RABGAP1: variants seen among roughly 807,000 people sequenced by gnomAD.
RABGAP1 encodes RAB GTPase activating protein 1.
In RABGAP1, 23 loss-of-function variants were observed where a neutral mutation model predicts 137.6. The ratio of observed to expected loss-of-function variants is 0.17; its 90% CI spans 0.12 to 0.24. The LOEUF (loss-of-function observed/expected upper bound fraction) is 0.24. RABGAP1 is among the 10% of genes least tolerant of loss of function. The pLI is 1.00. For missense variants in RABGAP1, 906 were observed against 1,275.8 expected (o/e 0.71, Z 4.42); for synonymous variants, 451 against 450.7 (o/e 1.00, Z -0.01).
chr9:123,068,817 T>C (rs551143288), intron 14 of RABGAP1, among the ~76,000 whole-genome samples: 25 of 152,246 alleles, frequency 1.6e-4, no homozygotes, highest in Non-Finnish European at 3.4e-4. Flanking sequence ...TAAAACTTGG[T>C]TGCATATTAA....
At chr9:123,021,293 TA>T (rs1258571217) in intron 13 of RABGAP1, among the ~76,000 whole-genome samples, 15,705 of 127,290 alleles carry the variant, frequency 0.12, 1,549 homozygotes, top group African/African-American at 0.27. Flanking sequence ...AGCTGTTATT[TA>T]AAAAAAAAAA....
intron 10 of RABGAP1, among the ~76,000 whole-genome samples, chr9:123,009,418 A>G (rs1324718985): frequency 6.6e-6 from 1 of 152,200 alleles, no homozygotes; most frequent in Non-Finnish European, 1.5e-5. Flanking sequence ...GCTCATGAAC[A>G]TCTTATTCCC....
Position 122,957,010 on chromosome 9 carries a change from G to T in RABGAP1, c.-49-1G>T. The T allele has an allele frequency of 7.3e-7, 1 of 1,373,030 alleles. No individual in the cohort carries two copies. The highest frequency in any genetic ancestry group is 9.6e-7 in the Non-Finnish European group (1 of 1,038,222). The allele number at this position is 1,373,030 out of a possible 1,614,324, so 85.1% of individuals were successfully genotyped here. On this transcript the variant is annotated splice_acceptor_variant, in intron 1 of 25. Coordinates refer to ENST00000373647, the MANE Select transcript of RABGAP1 (RefSeq NM_012197.4). LOFTEE classifies it low-confidence loss of function (5UTR_SPLICE). ...GTATCTTTATGGTTTTTGTTTTTCA[G>T]GCATTAAAAAATATTTAATCATTCA...
In RABGAP1 at chr9:123,056,735, G is replaced by A. The variant is rs548362034; in HGVS notation, c.1795-8613G>A. On this transcript the variant is annotated intron_variant, in intron 13 of 25. Transcript: ENST00000373647. ...TGTTTAACAAAGCACATCTTGCACC[G>A]CCCTTAATCCATTTAACCCTGAGTG... Among the ~76,000 whole-genome samples the A allele has an allele frequency of 3.8e-3, 575 of 152,074 alleles. 5 individuals are homozygous for A. Among genetic ancestry groups the A allele is most frequent in the African/African-American group, 0.013 (549 of 41,454 alleles).
chr9:122,953,036 C>T (rs967605649), intron 1 of RABGAP1, among the ~76,000 whole-genome samples: 2 of 152,098 alleles, frequency 1.3e-5, no homozygotes, highest in Non-Finnish European at 2.9e-5. Context: ...TAGATATTAA[C>T]AACTTAGAAT....
At position 123,010,504 on chromosome 9, in the gene RABGAP1, C is replaced by A. The variant is rs747946198; in HGVS notation, c.1525C>A (p.Pro509Thr). ...ATCGCAAAGTTCAGTGATACCTTCT[C>A]CTCCAGAAGATGATGAAGAGGAAGG... ...SGSQSSVIPS[P>T]PEDDEEEDND... The change falls in exon 11 of 26, where the codon CCT becomes ACT. Residue 509 changes from proline to threonine, a missense_variant. By Grantham distance (38) the Pro-to-Thr change is conservative. This residue lies in a region of RABGAP1 where 212 missense variants were observed against 289.4 expected (regional missense o/e 0.73). Coordinates refer to ENST00000373647, the MANE Select transcript of RABGAP1 (RefSeq NM_012197.4). 3 of 1,612,678 alleles carry A rather than the reference C, an allele frequency of 1.9e-6. No individual in the cohort carries two copies. The African/African-American group carries it at 4.0e-5, about 22-fold the overall frequency.
chr9:122,970,506 T>TA (rs770546249), intron 2 of RABGAP1, among the ~76,000 whole-genome samples: 1 of 152,338 alleles, frequency 6.6e-6, no homozygotes, highest in East Asian at 1.9e-4. Flanking sequence ...ACAGGTTTGT[T>TA]ACAAATGTAT....
At chr9:122,943,061 T>A (rs6478583) in intron 1 of RABGAP1, among the ~76,000 whole-genome samples, 14,955 of 145,192 alleles carry the variant, frequency 0.1, 2,610 homozygotes, top group African/African-American at 0.36. Context: ...AGTCATGTTG[T>A]GGTGCACTTT....
intron 4 of RABGAP1, among the ~76,000 whole-genome samples, chr9:122,987,241 G>A (rs2131759975): frequency 6.6e-6 from 1 of 152,288 alleles, no homozygotes; most frequent in South Asian, 2.1e-4. Flanking sequence ...CTAATCAGAT[G>A]TCTGTATCAA....
intron 16 of RABGAP1, among the ~76,000 whole-genome samples, 169 bp from the exon 17 acceptor site, chr9:123,074,116 T>C (rs1021257975): frequency 3.9e-5 from 6 of 152,166 alleles, no homozygotes; most frequent in African/African-American, 2.4e-5. Context: ...GAAAAAAGAG[T>C]TGAGTGCCAG....
chr9:122,969,460 G>C (rs1158387162), intron 2 of RABGAP1, among the ~76,000 whole-genome samples: 2 of 152,116 alleles, frequency 1.3e-5, no homozygotes, highest in Non-Finnish European at 2.9e-5. Context: ...CAGTACATTT[G>C]TATATTATGT....
intron 1 of RABGAP1, among the ~76,000 whole-genome samples, chr9:122,948,914 C>A (rs1834076692): frequency 6.6e-6 from 1 of 152,180 alleles, no homozygotes; most frequent in Non-Finnish European, 1.5e-5. Context: ...TTATTGAACA[C>A]TGCCCGTAAG....
intron 13 of RABGAP1, among the ~76,000 whole-genome samples, chr9:123,026,580 C>CTTA (rs2031984212): frequency 6.6e-6 from 1 of 152,138 alleles, no homozygotes; most frequent in East Asian, 1.9e-4. Context: ...ATTAAGAGCT[C>CTTA]CTCAACCCTG....
chr9:123,089,592 G>A lies in RABGAP1; in HGVS notation c.2425-166G>A, dbSNP rs2034976019. The A allele has an allele frequency of 7.0e-6, 4 of 573,576 alleles. No homozygotes were observed. The South Asian group carries it at 1.0e-4, about 15-fold the overall frequency. 35.5% of individuals were successfully genotyped at this position (573,576 alleles called of 1,614,324 possible). A position where few individuals can be genotyped will look rare whatever the true frequency, so the allele number is the denominator to read the frequency against. ...AAACGCATTGAGAATTTGGGGTCCT[G>A]GGCTTATACCCTACTCTGATGATTT... On this transcript the variant is annotated intron_variant, in intron 19 of 25. Transcript: ENST00000373647.
In RABGAP1 at chr9:123,070,504, A is replaced by C; in HGVS notation, c.1983+80A>C. ...TAACCTTAGGCTTGAGCATGGTTTT[A>C]TATTGGGTTTGGACAGACTCTTAAG... On this transcript the variant is annotated intron_variant, in intron 15 of 25. Transcript: ENST00000373647. This position sits in a 1 kb window ranked among gnomAD's most constrained non-coding sequence, Gnocchi z 4.4. The C allele has an allele frequency of 6.2e-7, 1 of 1,604,654 alleles. No individual in the cohort carries two copies. Among genetic ancestry groups the C allele is most frequent in the Non-Finnish European group, 8.5e-7 (1 of 1,176,044 alleles).
At chr9:122,984,017 C>G (rs1358439277) in intron 2 of RABGAP1, among the ~76,000 whole-genome samples, 1 of 152,186 alleles carries the variant, frequency 6.6e-6, no homozygotes, top group Non-Finnish European at 1.5e-5. Context: ...TTGCATATGA[C>G]TGGAGTGGTA....
At position 123,101,523 on chromosome 9, in the gene RABGAP1, A is replaced by G. The variant is rs1279468411; in HGVS notation, c.2890-43A>G. ...GATGCTCACACCATCCTAAAGGGCC[A>G]GTTCCTCTTCTTTGCCTCTTCACAT... is the stretch of plus-strand genomic sequence containing the variant. On this transcript the variant is annotated intron_variant, in intron 24 of 25. Transcript: ENST00000373647. 3 of 1,571,812 alleles carry G rather than the reference A, an allele frequency of 1.9e-6. No individual in the cohort carries two copies. In the Admixed American group the frequency reaches 5.2e-5, roughly 27 times the overall value.
chr9:122,940,942 GACGGGGC>G (rs1368928387), upstream of RABGAP1: 3 of 151,860 alleles, frequency 2.0e-5, no homozygotes, highest in African/African-American at 7.3e-5. Flanking sequence ...AGACCTATGA[GACGGGGC>G]AGGGGGCGGG....
chr9:122,954,974 AAAATC>A (rs1200411203), intron 1 of RABGAP1, among the ~76,000 whole-genome samples: 1 of 152,218 alleles, frequency 6.6e-6, no homozygotes, highest in African/African-American at 2.4e-5. Context: ...ATGCTGTAGA[AAAATC>A]AAATGTAAAA....
Sources: gnomAD v4.1 joint callset for allele counts (sites outside exome capture counted in the v4.1 genomes callset) on GRCh38, gnomAD v4.1.1 for gene constraint, gnomAD v4.1.1 regional missense constraint, Gnocchi (gnomAD v3.1) non-coding constraint, MANE v1.5 for transcripts, NCBI Gene and HGNC (gene_info 2026-07-23, HGNC 2026-07-21) for gene names.